The following LRRC4C variants were observed in gnomAD, a reference collection of about 807,000 sequenced individuals.
LRRC4C encodes leucine rich repeat containing 4C, also known as leucine-rich repeat-containing protein 4C.
Under a neutral mutation model 33.6 loss-of-function variants are expected in LRRC4C, and 5 were observed. The ratio of observed to expected loss-of-function variants is 0.15; its 90% CI spans 0.08 to 0.31. LRRC4C has a LOEUF of 0.31. Among genes scored for constraint, LRRC4C ranks in the 10% least tolerant of loss-of-function variants. LRRC4C has a pLI of 1.00. For missense variants in LRRC4C, 560 were observed against 796.7 expected (o/e 0.70, Z 3.58); for synonymous variants, 329 against 302.0 (o/e 1.09, Z -0.93).
At chr11:40,283,766 G>A (rs1266177654) in intron 4 of LRRC4C, among the ~76,000 whole-genome samples, 8 of 141,058 alleles carry the variant, frequency 5.7e-5, no homozygotes, top group African/African-American at 1.9e-4. Context: ...GTGCAATGGC[G>A]TGATTTCGGC....
At chr11:41,346,819 G>A (rs181981193) in intron 1 of LRRC4C, among the ~76,000 whole-genome samples, 9 of 152,156 alleles carry the variant, frequency 5.9e-5, no homozygotes, top group Admixed American at 5.2e-4. Flanking sequence ...GACAACTAAA[G>A]TACCAACTGG....
At chr11:40,279,247 G>C (rs1032576611) in intron 4 of LRRC4C, among the ~76,000 whole-genome samples, 1 of 152,068 alleles carries the variant, frequency 6.6e-6, no homozygotes, top group Non-Finnish European at 1.5e-5. Context: ...ACTGAGACAG[G>C]TCCAAGAGAT....
chr11:41,351,008 T>C (rs12576038), intron 1 of LRRC4C, among the ~76,000 whole-genome samples: 4 of 151,956 alleles, frequency 2.6e-5, no homozygotes, highest in African/African-American at 4.8e-5. Flanking sequence ...GGAGGGTGGA[T>C]TGCTTGAACT....
chr11:41,436,985 A>G (rs937601654), intron 1 of LRRC4C, among the ~76,000 whole-genome samples: 1 of 152,190 alleles, frequency 6.6e-6, no homozygotes, highest in Non-Finnish European at 1.5e-5. Context: ...AGATGAAAAA[A>G]CCATGTGACC....
intron 3 of LRRC4C, among the ~76,000 whole-genome samples, chr11:40,487,601 T>C (rs1171329259): frequency 1.3e-5 from 2 of 151,640 alleles, no homozygotes; most frequent in Non-Finnish European, 2.9e-5. Context: ...GAAGAACTTG[T>C]CAACTAGTAA....
At chr11:40,196,328 C>T (rs914594845) in intron 5 of LRRC4C, among the ~76,000 whole-genome samples, 1 of 152,172 alleles carries the variant, frequency 6.6e-6, no homozygotes, top group African/African-American at 2.4e-5. Context: ...TCCAACTGGA[C>T]AAGCCTATCC....
At chr11:40,128,275 C>G (rs915417761) in intron 6 of LRRC4C, among the ~76,000 whole-genome samples, 11 of 152,196 alleles carry the variant, frequency 7.2e-5, no homozygotes, top group Admixed American at 5.9e-4. Flanking sequence ...TACCATGTGA[C>G]CAGTTGCACA....
intron 1 of LRRC4C, among the ~76,000 whole-genome samples, chr11:41,294,434 C>T (rs1950080462): frequency 6.6e-6 from 1 of 152,158 alleles, no homozygotes; most frequent in Non-Finnish European, 1.5e-5. Context: ...CAGGATTTGC[C>T]TTCCTTCCTC....
chr11:40,364,326 T>C (rs1948109092), intron 3 of LRRC4C, among the ~76,000 whole-genome samples: 1 of 152,066 alleles, frequency 6.6e-6, no homozygotes, highest in Admixed American at 6.6e-5. Flanking sequence ...CTATTATAAA[T>C]ATACTCCTTA....
At chr11:41,457,186 G>A (rs1173957240) in intron 1 of LRRC4C, among the ~76,000 whole-genome samples, 1 of 152,082 alleles carries the variant, frequency 6.6e-6, no homozygotes. Flanking sequence ...AAATATACCA[G>A]TATTTGGTGA....
rs984299870 is a variant in LRRC4C at position 41,188,776 on chromosome 11, A to AGCTGTTTGGTTT, written c.-495-255065_-495-255054dup. Reference sequence around the variant, plus strand: ...AAATAAATGGTTTCTAAAATGTATTAGCTGTTTGGTTTTGGGCAGGTTATC... The same window carrying AGCTGTTTGGTTT: ...AAATAAATGGTTTCTAAAATGTATTAGCTGTTTGGTTTGCTGTTTGGTTTTGGGCAGGTTATC... On this transcript the variant is annotated intron_variant, in intron 1 of 6. Coordinates refer to ENST00000528697, the MANE Select transcript of LRRC4C (RefSeq NM_001258419.2). Among the ~76,000 whole-genome samples, 23 of 151,638 alleles carry AGCTGTTTGGTTT rather than the reference A, an allele frequency of 1.5e-4. 1 individual carries two copies. The East Asian group carries it at 2.3e-3, about 15-fold the overall frequency.
chr11:40,313,586 A>AGT (rs1945422443), intron 4 of LRRC4C, among the ~76,000 whole-genome samples: 1 of 142,280 alleles, frequency 7.0e-6, no homozygotes, highest in Non-Finnish European at 1.5e-5. Context: ...AAAACATGCT[A>AGT]GGAGGGGAAA....
chr11:40,202,970 T>C (rs1205803902), intron 5 of LRRC4C, among the ~76,000 whole-genome samples: 1 of 152,222 alleles, frequency 6.6e-6, no homozygotes. Flanking sequence ...ATCATCTATT[T>C]ACTTTTTTTT....
At chr11:40,755,412 TA>T (rs1948899900) in intron 2 of LRRC4C, among the ~76,000 whole-genome samples, 1 of 152,024 alleles carries the variant, frequency 6.6e-6, no homozygotes. Flanking sequence ...TAGCAATCAT[TA>T]CAGCCAGGAT....
chr11:40,390,666 A>T (rs1414172197), intron 3 of LRRC4C, among the ~76,000 whole-genome samples: 1 of 152,140 alleles, frequency 6.6e-6, no homozygotes, highest in Non-Finnish European at 1.5e-5. Flanking sequence ...CTTGGAATGG[A>T]TAAGGAAACT....
intron 1 of LRRC4C, among the ~76,000 whole-genome samples, chr11:41,421,516 T>C (rs1250937103): frequency 3.3e-5 from 5 of 152,076 alleles, no homozygotes; most frequent in Non-Finnish European, 7.4e-5. Context: ...TATGGTGCTA[T>C]TGTTATAGCT....
chr11:40,385,548 G>C (rs993267203), intron 3 of LRRC4C, among the ~76,000 whole-genome samples: 1 of 152,138 alleles, frequency 6.6e-6, no homozygotes, highest in East Asian at 1.9e-4. Context: ...AGAGGGGGAG[G>C]GTGGGATGGA....
At chr11:40,746,228 A>G (rs1948411000) in intron 2 of LRRC4C, among the ~76,000 whole-genome samples, 1 of 152,064 alleles carries the variant, frequency 6.6e-6, no homozygotes, top group Non-Finnish European at 1.5e-5. Flanking sequence ...AACTAACACT[A>G]GGAGCTGTCA....
chr11:40,376,476 G>T (rs1590512393), intron 3 of LRRC4C, among the ~76,000 whole-genome samples: 2 of 152,254 alleles, frequency 1.3e-5, no homozygotes, highest in East Asian at 1.9e-4. Context: ...CAGCTTCAAA[G>T]AACTACAGGA....
Sources: gnomAD v4.1 joint callset for allele counts (sites outside exome capture counted in the v4.1 genomes callset) on GRCh38, gnomAD v4.1.1 for gene constraint, MANE v1.5 for transcripts, NCBI Gene and HGNC (gene_info 2026-07-23, HGNC 2026-07-21) for gene names.